POU6F2: variants seen among roughly 807,000 people sequenced by gnomAD.
POU6F2 encodes POU class 6 homeobox 2, also known as POU domain, class 6, transcription factor 2.
Under a neutral mutation model 71.3 loss-of-function variants are expected in POU6F2, and 31 were observed. The ratio of observed to expected loss-of-function variants is 0.43; its 90% CI spans 0.33 to 0.59. The LOEUF (loss-of-function observed/expected upper bound fraction) is 0.59, where lower values mean the gene tolerates loss of function less well. Ranked by LOEUF, POU6F2 falls within the 20% of genes least tolerant of loss-of-function variation. The probability of loss-of-function intolerance (pLI) is 0.04; values close to 1 mark genes in which losing one functional copy is unlikely to be tolerated. For missense variants in POU6F2, 783 were observed against 856.8 expected (o/e 0.91, Z 1.07); for synonymous variants, 347 against 355.7 (o/e 0.98, Z 0.27).
intron 2 of POU6F2, among the ~76,000 whole-genome samples, chr7:39,137,430 AT>A (rs1792409579): frequency 6.6e-6 from 1 of 152,240 alleles, no homozygotes; most frequent in Non-Finnish European, 1.5e-5. Flanking sequence ...TGACCCAAAT[AT>A]ATTGTTAAGT....
chr7:39,452,224 A>T (rs1788679010), intron 8 of POU6F2, among the ~76,000 whole-genome samples: 1 of 152,240 alleles, frequency 6.6e-6, no homozygotes, highest in Admixed American at 6.5e-5. Flanking sequence ...ATGGGCCGGA[A>T]TCAGATGAGA....
intron 2 of POU6F2, among the ~76,000 whole-genome samples, chr7:39,121,171 A>G (rs949262176): frequency 1.1e-4 from 17 of 152,250 alleles, no homozygotes; most frequent in African/African-American, 3.9e-4. Flanking sequence ...TAAGACCATA[A>G]TTTTGACACA....
At chr7:39,222,190 T>G (rs1260159391) in intron 4 of POU6F2, among the ~76,000 whole-genome samples, 1 of 152,224 alleles carries the variant, frequency 6.6e-6, no homozygotes, top group Non-Finnish European at 1.5e-5. Context: ...CCTGTTGCTT[T>G]CTTTTGCTAA....
intron 5 of POU6F2, among the ~76,000 whole-genome samples, chr7:39,351,961 T>C (rs1402590780): frequency 6.6e-6 from 1 of 152,244 alleles, no homozygotes; most frequent in Non-Finnish European, 1.5e-5. Flanking sequence ...ACATGACTCC[T>C]GGAGTCATGG....
chr7:39,215,276 C>T (rs772514840), intron 4 of POU6F2, among the ~76,000 whole-genome samples: 7 of 151,996 alleles, frequency 4.6e-5, no homozygotes, highest in South Asian at 2.1e-4. Context: ...ACTTGGGAGG[C>T]GGAAGTTGCA....
At chr7:39,216,740 TA>T (rs1794250776) in intron 4 of POU6F2, among the ~76,000 whole-genome samples, 1 of 152,116 alleles carries the variant, frequency 6.6e-6, no homozygotes, top group Non-Finnish European at 1.5e-5. Flanking sequence ...CTTTAAAACA[TA>T]AAAAAAGTTT....
chr7:39,009,922 T>C (rs1164298740), intron 1 of POU6F2, among the ~76,000 whole-genome samples: 6 of 152,040 alleles, frequency 3.9e-5, no homozygotes, highest in Admixed American at 3.9e-4. Flanking sequence ...GGATTCGGTT[T>C]GCCAGTATTT....
intron 2 of POU6F2, among the ~76,000 whole-genome samples, chr7:39,099,035 T>C (rs1791516712): frequency 6.6e-6 from 1 of 152,174 alleles, no homozygotes; most frequent in South Asian, 2.1e-4. Flanking sequence ...CAGTCTTTGC[T>C]TTCTCTTCAA....
Position 39,464,126 on chromosome 7 carries a change from C to T in POU6F2, c.1659-56C>T. 1 of 1,556,386 alleles carries T rather than the reference C, an allele frequency of 6.4e-7. No homozygotes were observed. Among genetic ancestry groups the T allele is most frequent in the Admixed American group, 1.8e-5 (1 of 54,792 alleles). On this transcript the variant is annotated intron_variant, in intron 9 of 9. Transcript: ENST00000518318. The surrounding 1 kb of genome is among the most constrained non-coding windows in gnomAD (Gnocchi z 4.1). Reference sequence around the variant, plus strand: ...GGCAGTCAGGCAGGCAGGCAGGAGGCCCACCCTGGCAGAGGACTCAGTGTA... The same window carrying T: ...GGCAGTCAGGCAGGCAGGCAGGAGGTCCACCCTGGCAGAGGACTCAGTGTA...
chr7:39,419,076 CAT>C (rs1182511131), intron 6 of POU6F2, among the ~76,000 whole-genome samples: 4 of 136,742 alleles, frequency 2.9e-5, no homozygotes, highest in Middle Eastern at 4.0e-3. Context: ...TATATACACA[CAT>C]ATATACGTAT....
At chr7:39,371,640 C>T (rs538039752) in intron 5 of POU6F2, among the ~76,000 whole-genome samples, 1 of 152,282 alleles carries the variant, frequency 6.6e-6, no homozygotes, top group African/African-American at 2.4e-5. Context: ...CTTGAGCCAG[C>T]TTTGTGGCTT....
chr7:39,305,855 T>G (rs1785038260), intron 4 of POU6F2, among the ~76,000 whole-genome samples: 1 of 152,220 alleles, frequency 6.6e-6, no homozygotes, highest in Admixed American at 6.5e-5. Context: ...CCACTGAATA[T>G]TTGTAAAAGA....
intron 1 of POU6F2, among the ~76,000 whole-genome samples, chr7:39,050,309 A>C (rs983689916): frequency 1.3e-5 from 2 of 152,070 alleles, no homozygotes; most frequent in Non-Finnish European, 2.9e-5. Flanking sequence ...TCAAGCCAGC[A>C]AAATCTCCCG....
rs76667766 is a variant in POU6F2, at chr7:39,101,643, C to T, written c.277+15612C>T. 3.3e-5 allele frequency among the ~76,000 whole-genome samples: 5 copies of T among 152,026 alleles called. No homozygotes were observed. The East Asian group carries it at 7.7e-4, about 24-fold the overall frequency. On this transcript the variant is annotated intron_variant, in intron 2 of 9. Transcript: ENST00000518318. ...AGTTAGGAGGAATATGTTTCAGGGA[C>T]TATAGTTAATAATAGCATGGTAACT...
chr7:39,030,797 T>C, intron 1 of POU6F2, among the ~76,000 whole-genome samples: 1 of 151,818 alleles, frequency 6.6e-6, no homozygotes, highest in East Asian at 1.9e-4. Context: ...AAAGGGACTG[T>C]ACCATGTTGC....
intron 4 of POU6F2, among the ~76,000 whole-genome samples, chr7:39,302,930 T>C (rs1250300483): frequency 1.3e-5 from 2 of 152,202 alleles, no homozygotes; most frequent in African/African-American, 4.8e-5. Flanking sequence ...TGGAGGACTT[T>C]TTAAAACACA....
chr7:39,000,123 G>T (rs192137319), intron 1 of POU6F2, among the ~76,000 whole-genome samples: 1 of 152,298 alleles, frequency 6.6e-6, no homozygotes, highest in African/African-American at 2.4e-5. Context: ...TGGACAGTCA[G>T]GGGTCAGTTA....
At chr7:39,177,432 C>T (rs995431236) in intron 2 of POU6F2, among the ~76,000 whole-genome samples, 7 of 152,324 alleles carry the variant, frequency 4.6e-5, no homozygotes, top group East Asian at 1.9e-4. Context: ...GAAGCTCAAA[C>T]GCACTAAATT....
intron 2 of POU6F2, among the ~76,000 whole-genome samples, chr7:39,100,719 G>T (rs1365625174): frequency 2.6e-5 from 4 of 152,188 alleles, no homozygotes; most frequent in Non-Finnish European, 5.9e-5. Context: ...TAATGTGACA[G>T]TTTTGACTTT....
Sources: allele counts gnomAD v4.1 joint callset (sites outside exome capture counted in the v4.1 genomes callset), GRCh38; gene constraint gnomAD v4.1.1; non-coding constraint Gnocchi (gnomAD v3.1); transcripts MANE v1.5; gene names NCBI Gene and HGNC (gene_info 2026-07-23, HGNC 2026-07-21).